The following ZSCAN5A variants were observed in gnomAD, a reference collection of about 807,000 sequenced individuals.
The protein encoded by ZSCAN5A is zinc finger and SCAN domain-containing protein 5A.
In ZSCAN5A, 12 loss-of-function variants were observed where a neutral mutation model predicts 23.7. That is an observed-to-expected ratio of 0.51 (90% CI 0.32 to 0.82). ZSCAN5A has a LOEUF of 0.82. Ranked by LOEUF, ZSCAN5A falls within the 40% of genes least tolerant of loss-of-function variation. The pLI is 0.03. For missense variants in ZSCAN5A, 597 were observed against 617.9 expected (o/e 0.97, Z 0.36); for synonymous variants, 257 against 239.9 (o/e 1.07, Z -0.66).
chr19:56,221,592 C>T lies in ZSCAN5A; in HGVS notation c.1474G>A (p.Glu492Lys). Reference protein sequence around the residue: ...LLRRHQKTHPEATSQ With the variant: ...LLRRHQKTHPKATSQ ...TTATGCAATCACTGAGAAGTAGCTT[C>T]TGGATGTGTTTTCTGGTGGCGTCTT... is the stretch of plus-strand genomic sequence containing the variant. The change falls in exon 6 of 6, where the codon GAA becomes AAA. Residue 492 changes from glutamate to lysine, a missense_variant. Physicochemically the swap from Glu to Lys is moderately conservative, Grantham distance 56. Around this residue, in one of 5 missense-constraint regions of ZSCAN5A, gnomAD observed 87 missense variants for 74.4 expected, o/e 1.17. Coordinates refer to ENST00000683990, the MANE Select transcript of ZSCAN5A (RefSeq NM_001322064.3). The T allele has an allele frequency of 6.2e-7, 1 of 1,603,000 alleles. No homozygotes were observed. Among genetic ancestry groups the T allele is most frequent in the Non-Finnish European group, 8.5e-7 (1 of 1,174,800 alleles).
At chr19:56,341,702 CAAAAAAAAAAA>C (rs1175628460) in intron 2 of ZSCAN5A, among the ~76,000 whole-genome samples, 1 of 53,784 alleles carries the variant, frequency 1.9e-5, no homozygotes, top group Admixed American at 2.7e-4. Context: ...TACCAAAAGG[CAAAAAAAAAAA>C]AAAAAAAAAA....
intron 2 of ZSCAN5A, among the ~76,000 whole-genome samples, chr19:56,259,216 T>G (rs898401928): frequency 4.6e-5 from 7 of 152,174 alleles, no homozygotes; most frequent in Non-Finnish European, 7.3e-5. Context: ...TTATTAATTT[T>G]TTTTTTAAAA....
chr19:56,319,762 C>T (rs368090780), upstream of ZSCAN5A: 45 of 751,928 alleles, frequency 6.0e-5, no homozygotes, highest in African/African-American at 3.1e-4. Flanking sequence ...TCGGGCCAGT[C>T]GCATCCTAAG....
At chr19:56,319,203 A>G (rs2041348475), upstream of ZSCAN5A, among the ~76,000 whole-genome samples, 1 of 151,738 alleles carries the variant, frequency 6.6e-6, no homozygotes, top group Admixed American at 6.6e-5. Flanking sequence ...TACAGGCTTA[A>G]TTCAGAACTT....
At chr19:56,258,851 C>A (rs2036918396) in intron 2 of ZSCAN5A, among the ~76,000 whole-genome samples, 1 of 152,182 alleles carries the variant, frequency 6.6e-6, no homozygotes, top group Admixed American at 6.5e-5. Context: ...AAAGACGACA[C>A]AACCTCCCCC....
intron 2 of ZSCAN5A, chr19:56,342,839 A>G: frequency 1.1e-6 from 1 of 880,086 alleles, no homozygotes; most frequent in African/African-American, 1.6e-5. Context: ...CTTCCTCTCA[A>G]AAGCACCCCC....
chr19:56,259,563 G>C (rs962516282), intron 2 of ZSCAN5A, among the ~76,000 whole-genome samples: 1 of 152,204 alleles, frequency 6.6e-6, no homozygotes, highest in Non-Finnish European at 1.5e-5. Flanking sequence ...TGCTTGTGGC[G>C]TGTGTACTAA....
At chr19:56,285,022 A>G in intron 2 of ZSCAN5A, 1 of 985,320 alleles carries the variant, frequency 1.0e-6, no homozygotes, top group Middle Eastern at 5.2e-4. Flanking sequence ...CTGTCACCGG[A>G]TGGTAAGTGT....
intron 2 of ZSCAN5A, chr19:56,247,272 G>A (rs1170514955): frequency 2.9e-6 from 1 of 347,018 alleles, no homozygotes; most frequent in African/African-American, 2.1e-5. Context: ...TGTTCTCCTT[G>A]AAGTGTCACA....
At chr19:56,308,086 C>G (rs530032635) in intron 2 of ZSCAN5A, among the ~76,000 whole-genome samples, 1 of 152,316 alleles carries the variant, frequency 6.6e-6, no homozygotes, top group African/African-American at 2.4e-5. Flanking sequence ...CAGGCTGGAG[C>G]GCAGTGGCGC....
At chr19:56,259,317 G>A (rs1207154664) in intron 2 of ZSCAN5A, among the ~76,000 whole-genome samples, 1 of 152,046 alleles carries the variant, frequency 6.6e-6, no homozygotes, top group Non-Finnish European at 1.5e-5. Context: ...ACCAGCCTCG[G>A]ACTCCCAAAG....
At chr19:56,234,713 C>T (rs1568623073) in intron 2 of ZSCAN5A, among the ~76,000 whole-genome samples, 1 of 138,724 alleles carries the variant, frequency 7.2e-6, no homozygotes, top group Non-Finnish European at 1.6e-5. Context: ...CATGCAGCCC[C>T]TGTCACGTAC....
At chr19:56,260,979 G>A (rs551051843) in intron 2 of ZSCAN5A, among the ~76,000 whole-genome samples, 46 of 152,162 alleles carry the variant, frequency 3.0e-4, no homozygotes, top group African/African-American at 7.5e-4. Flanking sequence ...AGGCCGAGGC[G>A]GGTGGATCAT....
At chr19:56,348,868 A>G (rs770762979) in intron 2 of ZSCAN5A, among the ~76,000 whole-genome samples, 8 of 152,210 alleles carry the variant, frequency 5.3e-5, no homozygotes, top group Non-Finnish European at 1.2e-4. Flanking sequence ...GCTTCGAGGT[A>G]TTAACACACT....
upstream of ZSCAN5A, chr19:56,314,949 T>C (rs1263325728): frequency 2.0e-5 from 3 of 152,256 alleles, no homozygotes; most frequent in African/African-American, 7.2e-5. Context: ...TGCGGCCGCC[T>C]TCCTGCTCCT....
At chr19:56,225,289 G>T (rs2033812675) in intron 2 of ZSCAN5A, 116 bp from the exon 3 acceptor site, 5 of 1,011,758 alleles carry the variant, frequency 4.9e-6, no homozygotes, top group Non-Finnish European at 6.7e-6. Flanking sequence ...CAGCACAGTG[G>T]AAATCTTCCA....
chr19:56,234,003 G>T (rs1034353079), intron 2 of ZSCAN5A, among the ~76,000 whole-genome samples: 1 of 151,978 alleles, frequency 6.6e-6, no homozygotes, highest in African/African-American at 2.4e-5. Context: ...TTGAGACCAG[G>T]AATTTGAGAC....
At chr19:56,287,761 G>A (rs1048882896) in intron 2 of ZSCAN5A, among the ~76,000 whole-genome samples, 2 of 152,190 alleles carry the variant, frequency 1.3e-5, no homozygotes, top group Admixed American at 1.3e-4. Context: ...GAAGGAGGCA[G>A]AGCATCAGAG....
chr19:56,221,464 C>T lies in ZSCAN5A; in HGVS notation c.*111G>A, dbSNP rs867605732. ...ATCCTGGCAATTCATATCTAGGGCACTCCCTCTGTGTGTCAGACGCCCTTG... is the reference window on the plus strand; with the variant it reads ...ATCCTGGCAATTCATATCTAGGGCATTCCCTCTGTGTGTCAGACGCCCTTG... On this transcript the variant is annotated 3_prime_UTR_variant, in exon 6 of 6. Coordinates refer to ENST00000683990, the MANE Select transcript of ZSCAN5A (RefSeq NM_001322064.3). 1 of 1,353,948 alleles carries T rather than the reference C, an allele frequency of 7.4e-7. No homozygotes were observed. The highest frequency in any genetic ancestry group is 1.0e-6 in the Non-Finnish European group (1 of 995,102). The allele number at this position is 1,353,948 out of a possible 1,614,324, so 83.9% of individuals were successfully genotyped here.
Sources: gnomAD v4.1 joint callset for allele counts (sites outside exome capture counted in the v4.1 genomes callset) on GRCh38, gnomAD v4.1.1 for gene constraint, gnomAD v4.1.1 regional missense constraint, MANE v1.5 for transcripts, NCBI Gene and HGNC (gene_info 2026-07-23, HGNC 2026-07-21) for gene names.